EHMT1: variants seen among roughly 807,000 people sequenced by gnomAD.
EHMT1 encodes the protein histone-lysine N-methyltransferase EHMT1.
EHMT1 carries 15 observed loss-of-function variants against 147.2 expected under a neutral mutation model. The observed-to-expected ratio is 0.10, with a 90% CI of 0.07 to 0.16. The LOEUF (loss-of-function observed/expected upper bound fraction) is 0.16, where lower values mean the gene tolerates loss of function less well. EHMT1 is among the 10% of genes least tolerant of loss of function. EHMT1 has a pLI of 1.00. For synonymous variants in EHMT1, 795 were observed against 709.6 expected (o/e 1.12, Z -1.91); for missense variants, 1,587 against 1,772.4 (o/e 0.90, Z 1.88).
In EHMT1 at chr9:137,716,505, G is replaced by A. The variant is rs778624876; in HGVS notation, c.86-121G>A. ...GTGTCATGGTGGGGGAGGAAGTTGT[G>A]GTGGTGTCATGGTGGGGGAGGAAGT... On this transcript the variant is annotated intron_variant, in intron 2 of 26. Coordinates refer to ENST00000460843, the MANE Select transcript of EHMT1 (RefSeq NM_024757.5). 14 of 362,532 alleles carry A rather than the reference G, an allele frequency of 3.9e-5. 1 individual carries two copies. The highest frequency in any genetic ancestry group is 5.5e-5 in the Non-Finnish European group (11 of 199,610). The allele number at this position is 362,532 out of a possible 1,614,324, so 22.5% of individuals were successfully genotyped here.
chr9:137,834,000 T>C (rs770521612), intron 25 of EHMT1: 4 of 328,810 alleles, frequency 1.2e-5, no homozygotes, highest in Non-Finnish European at 1.1e-5. Flanking sequence ...CTTTCTCCTA[T>C]TGGTGCCAGA....
At chr9:137,688,689 A>G (rs1308168987) in intron 1 of EHMT1, among the ~76,000 whole-genome samples, 2 of 152,376 alleles carry the variant, frequency 1.3e-5, no homozygotes, top group South Asian at 4.1e-4. Flanking sequence ...TCCAACCGCT[A>G]TCCACTTGAT....
intron 1 of EHMT1, among the ~76,000 whole-genome samples, chr9:137,669,321 G>T (rs1261061046): frequency 1.5e-5 from 2 of 132,816 alleles, no homozygotes; most frequent in Admixed American, 8.2e-5. Context: ...CTGGAAAGAC[G>T]CCCCCACAGC....
chr9:137,810,249 G>A (rs563474450), intron 18 of EHMT1, among the ~76,000 whole-genome samples: 167 of 151,678 alleles, frequency 1.1e-3, no homozygotes, highest in Admixed American at 2.8e-3. Flanking sequence ...CGCGTGGACC[G>A]TCGGTGATGG....
chr9:137,815,237 T>C (rs1445319925), intron 22 of EHMT1: 2 of 163,296 alleles, frequency 1.2e-5, no homozygotes, highest in Non-Finnish European at 2.7e-5. Flanking sequence ...GAGGCTCCAA[T>C]GGGAAAAGGA....
chr9:137,650,626 A>T (rs1203161043), intron 1 of EHMT1, among the ~76,000 whole-genome samples: 1 of 146,054 alleles, frequency 6.8e-6, no homozygotes, highest in Non-Finnish European at 1.5e-5. Context: ...TTCTTTATAT[A>T]TTATAGAGGG....
rs141575742 is a variant in EHMT1, at chr9:137,691,533, G to A, written c.22-19434G>A. Among the ~76,000 whole-genome samples, 108 of 152,138 alleles carry A rather than the reference G, an allele frequency of 7.1e-4. No individual in the cohort carries two copies. The East Asian group carries it at 0.017, about 24-fold the overall frequency. ...TTTGTTTGTCCATTAGTGGATGTCC[G>A]TTGATGGACACTTGGGTTGCTTCCA... On this transcript the variant is annotated intron_variant, in intron 1 of 26. Transcript: ENST00000460843.
rs760591719 is a variant in EHMT1, at chr9:137,716,987, C to T, written c.447C>T (p.Gly149=). The change falls in exon 3 of 27, where the codon GGC becomes GGT. Residue 149 remains glycine (G), a synonymous_variant. Transcript: ENST00000460843. The stretch of plus-strand genomic sequence containing the variant: ...GCACTCTGGCCTCTTCGCTGCCTGG[C>T]CATGCTGCAAAAACCCTTCCTGGAG... ...TTSTLASSLP[G]HAAKTLPGGA... 2 of 1,608,900 alleles carry T rather than the reference C, an allele frequency of 1.2e-6. No homozygotes were observed. The highest frequency in any genetic ancestry group is 1.1e-5 in the South Asian group (1 of 91,020).
At chr9:137,721,719 A>T (rs1392991939) in intron 3 of EHMT1, among the ~76,000 whole-genome samples, 1 of 151,822 alleles carries the variant, frequency 6.6e-6, no homozygotes, top group African/African-American at 2.4e-5. Flanking sequence ...CTTTGGTGAA[A>T]TGTCTTTCAG....
chr9:137,742,989 AGT>A (rs1948235929), intron 4 of EHMT1: 1 of 311,784 alleles, frequency 3.2e-6, no homozygotes, highest in African/African-American at 2.2e-5. Context: ...TGTTTTGCAA[AGT>A]GAGAGGACTT....
chr9:137,625,044 G>A (rs369406801), intron 1 of EHMT1, among the ~76,000 whole-genome samples: 8 of 151,844 alleles, frequency 5.3e-5, no homozygotes, highest in African/African-American at 1.5e-4. Flanking sequence ...ACCCCGCCCC[G>A]CTAATTTTTG....
At chr9:137,669,723 C>A (rs940019518) in intron 1 of EHMT1, among the ~76,000 whole-genome samples, 1 of 151,560 alleles carries the variant, frequency 6.6e-6, no homozygotes, top group Non-Finnish European at 1.5e-5. Context: ...TTTGTTTTTT[C>A]TCTTTTTTTA....
intron 1 of EHMT1, among the ~76,000 whole-genome samples, chr9:137,666,268 TA>T (rs1939637181): frequency 6.6e-6 from 1 of 152,214 alleles, no homozygotes; most frequent in Non-Finnish European, 1.5e-5. Context: ...CAACTGAGGG[TA>T]CTGAGAACAG....
At chr9:137,640,283 A>G (rs1844393387) in intron 1 of EHMT1, among the ~76,000 whole-genome samples, 1 of 150,422 alleles carries the variant, frequency 6.6e-6, no homozygotes, top group African/African-American at 2.5e-5. Context: ...GTTTTGTTTT[A>G]TTTTTGTGTG....
In EHMT1 at chr9:137,829,589, C is replaced by T. The variant is rs554168746; in HGVS notation, c.3541-4760C>T. Among the ~76,000 whole-genome samples, 3 of 152,348 alleles carry T rather than the reference C, an allele frequency of 2.0e-5. No individual in the cohort carries two copies. The East Asian group carries it at 5.8e-4, about 29-fold the overall frequency. ...CTCCTAGTTTCCCCGATGTCTTTTC[C>T]TGGTTCGCCCCTCTGGAGTCAGCTG... is the stretch of plus-strand genomic sequence containing the variant. On this transcript the variant is annotated intron_variant, in intron 25 of 26. Coordinates refer to ENST00000460843, the MANE Select transcript of EHMT1 (RefSeq NM_024757.5).
rs1312698079 is a variant in EHMT1, at chr9:137,744,022, G to A, written c.1102G>A (p.Ala368Thr). The A allele has an allele frequency of 1.2e-6, 2 of 1,614,124 alleles. No individual in the cohort carries two copies. The highest frequency in any genetic ancestry group is 1.7e-5 in the Admixed American group (1 of 60,022). ...CGACGGCCATGGTGCAGAGCAGGCG[G>A]CCGCGTTCCCCACAGAGGACAGCAG... Reference protein sequence around the residue: ...EDDGHGAEQAAAFPTEDSRTS... With the variant: ...EDDGHGAEQATAFPTEDSRTS... Residue 368 changes from alanine to threonine, a missense_variant, in exon 6 of 27, where the codon GCC becomes ACC. Coordinates refer to ENST00000460843, the MANE Select transcript of EHMT1 (RefSeq NM_024757.5).
At chr9:137,726,393 T>G (rs1250289562) in intron 3 of EHMT1, among the ~76,000 whole-genome samples, 1 of 152,220 alleles carries the variant, frequency 6.6e-6, no homozygotes, top group African/African-American at 2.4e-5. Flanking sequence ...GTGGCTGACT[T>G]ACTTCATTCG....
chr9:137,792,338 G>A (rs1564770896), intron 16 of EHMT1: 2 of 274,660 alleles, frequency 7.3e-6, no homozygotes. Flanking sequence ...TCAACAGATG[G>A]TGCTGAGACA....
chr9:137,800,430 A>C, intron 17 of EHMT1: 1 of 222,818 alleles, frequency 4.5e-6, no homozygotes, highest in Non-Finnish European at 9.0e-6. Flanking sequence ...CGGAGCCACC[A>C]TTGGAGGCTG....
Sources: allele counts gnomAD v4.1 joint callset (sites outside exome capture counted in the v4.1 genomes callset), GRCh38; gene constraint gnomAD v4.1.1; transcripts MANE v1.5; gene names NCBI Gene and HGNC (gene_info 2026-07-23, HGNC 2026-07-21).